Variants in GLT6D1 observed in about 807,000 individuals in gnomAD.
GLT6D1 encodes the protein glycosyltransferase 6 domain containing 1, also known as putative glycosyltransferase 6 domain-containing protein 1.
A neutral mutation model predicts 12.3 loss-of-function variants in GLT6D1; 9 were observed. The observed-to-expected ratio is 0.73, with a 90% confidence interval of 0.44 to 1.27. GLT6D1 has a LOEUF of 1.27. Among genes scored for constraint, GLT6D1 ranks in the 50% most tolerant of loss-of-function variants. GLT6D1 has a pLI of 0.00. For missense variants in GLT6D1, 335 were observed against 346.2 expected, an observed-to-expected ratio of 0.97 and a Z score of 0.26; for synonymous variants, 128 against 132.3, an observed-to-expected ratio of 0.97 and a Z score of 0.23.
In GLT6D1 at chr9:135,639,205, A is replaced by G. The variant is rs1193960656; in HGVS notation, c.-6-12T>C. On this transcript the variant is annotated splice_polypyrimidine_tract_variant and intron_variant, in intron 1 of 4. Transcript: ENST00000371763. ...GAATTCATTCTCTCCTAGGGAAAGA[A>G]GGAGAAAAAATTAGATTTTAAGCAA... 9 of 1,432,184 alleles carry G rather than the reference A, an allele frequency of 6.3e-6. No individual in the cohort carries two copies. Among genetic ancestry groups the G allele is most frequent in the Admixed American group, 1.8e-5 (1 of 54,794 alleles). The allele number at this position is 1,432,184 out of a possible 1,614,324, so 88.7% of individuals were successfully genotyped here.
chr9:135,627,870 C>A (rs1301214007), intron 3 of GLT6D1, among the ~76,000 whole-genome samples: 1 of 152,096 alleles, frequency 6.6e-6, no homozygotes, highest in Non-Finnish European at 1.5e-5. Context: ...CTTTATACAT[C>A]TTTATACATC....
At chr9:135,639,215 A>G in intron 1 of GLT6D1, 22 bp from the exon 2 acceptor site, 2 of 1,338,378 alleles carry the variant, frequency 1.5e-6, no homozygotes, top group South Asian at 2.5e-5. Context: ...AGGAGAAAAA[A>G]TTAGATTTTA....
intron 2 of GLT6D1, among the ~76,000 whole-genome samples, chr9:135,636,431 AG>A (rs1833774065): frequency 6.6e-6 from 1 of 152,176 alleles, no homozygotes; most frequent in African/African-American, 2.4e-5. Flanking sequence ...GACCCCTTCC[AG>A]TGGGATTGTT....
intron 2 of GLT6D1, among the ~76,000 whole-genome samples, chr9:135,632,136 A>ATTTT (rs1833662921): frequency 5.3e-5 from 3 of 56,820 alleles, no homozygotes; most frequent in African/African-American, 2.3e-4. Context: ...CCCTGGGAGC[A>ATTTT]ATTTTTTTTT....
At chr9:135,624,791 G>A (rs1369186901) in intron 4 of GLT6D1, 121 bp from the exon 5 acceptor site, 24 of 601,976 alleles carry the variant, frequency 4.0e-5, no homozygotes, top group East Asian at 2.0e-4. Context: ...GTGCAGTGGC[G>A]TGATCTCGGC....
chr9:135,635,004 T>C (rs182845066), intron 2 of GLT6D1, among the ~76,000 whole-genome samples: 49 of 152,350 alleles, frequency 3.2e-4, no homozygotes, highest in Admixed American at 2.7e-3. Context: ...TCTGTGTCGT[T>C]GGTAGTGGAG....
chr9:135,633,162 G>C (rs774171910), intron 2 of GLT6D1, among the ~76,000 whole-genome samples: 1 of 152,282 alleles, frequency 6.6e-6, no homozygotes, highest in African/African-American at 2.4e-5. Flanking sequence ...GTACCCAGTT[G>C]ACCCCCTCCA....
At chr9:135,629,826 CATT>C (rs1833597636) in intron 3 of GLT6D1, among the ~76,000 whole-genome samples, 1 of 152,064 alleles carries the variant, frequency 6.6e-6, no homozygotes. Flanking sequence ...ATCCTTTTGT[CATT>C]ATAAAATGCC....
intron 2 of GLT6D1, among the ~76,000 whole-genome samples, chr9:135,634,739 A>G (rs1184694918): frequency 6.6e-6 from 1 of 150,590 alleles, no homozygotes; most frequent in African/African-American, 2.5e-5. Context: ...CCCACCCAGC[A>G]TGCCACACTC....
chr9:135,635,136 TG>T (rs1833744292), intron 2 of GLT6D1, among the ~76,000 whole-genome samples: 1 of 152,212 alleles, frequency 6.6e-6, no homozygotes, highest in Admixed American at 6.5e-5. Flanking sequence ...TCCTTCTTTT[TG>T]CTCCTCCAAT....
Position 135,639,168 on chromosome 9 carries a change from A to G in GLT6D1, c.20T>C (p.Leu7Pro), listed in dbSNP as rs748166391. The G allele has an allele frequency of 2.5e-6, 4 of 1,587,036 alleles. No individual in the cohort carries two copies. Among genetic ancestry groups the G allele is most frequent in the Non-Finnish European group, 3.5e-6 (4 of 1,156,438 alleles). MNSKRM[L>P]LLVLFAFSLM... ...TGAAAAAGCAAATAAAACCAATAAC[A>G]GCATTCTTTTAGAATTCATTCTCTC... The change falls in exon 2 of 5, where the codon CTG (leucine) becomes CCG (proline). Residue 7 changes from leucine to proline, a missense_variant. Coordinates refer to ENST00000371763, the MANE Select transcript of GLT6D1 (RefSeq NM_182974.3).
At chr9:135,632,400 C>T (rs1452996123) in intron 2 of GLT6D1, among the ~76,000 whole-genome samples, 4 of 152,148 alleles carry the variant, frequency 2.6e-5, no homozygotes, top group African/African-American at 4.8e-5. Context: ...CTGTCCGTCC[C>T]CCTTTCTGGC....
Position 135,624,049 on chromosome 9 carries a change from T to G in GLT6D1, c.*48A>C. ...GTGCGACCTTGACGTATTGGATCTG[T>G]GGAGGAGGAGAAAATGCAAGATCCC... On this transcript the variant is annotated 3_prime_UTR_variant, in exon 5 of 5. Coordinates refer to ENST00000371763, the MANE Select transcript of GLT6D1 (RefSeq NM_182974.3). 1 of 1,170,674 alleles carries G rather than the reference T, an allele frequency of 8.5e-7. No homozygotes were observed. Among genetic ancestry groups the G allele is most frequent in the Non-Finnish European group, 1.3e-6 (1 of 795,306 alleles). The allele number at this position is 1,170,674 out of a possible 1,614,324, so 72.5% of individuals were successfully genotyped here.
At chr9:135,634,455 T>TTC (rs1833722481) in intron 2 of GLT6D1, among the ~76,000 whole-genome samples, 1 of 143,900 alleles carries the variant, frequency 6.9e-6, no homozygotes, top group African/African-American at 2.5e-5. Context: ...TTTTTTTTTT[T>TTC]TTTTTTTTTG....
At chr9:135,627,484 T>C (rs181599658) in intron 3 of GLT6D1, among the ~76,000 whole-genome samples, 3 of 152,202 alleles carry the variant, frequency 2.0e-5, no homozygotes, top group African/African-American at 4.8e-5. Flanking sequence ...CTACTTTCTG[T>C]CTCTGTAGAT....
intron 3 of GLT6D1, among the ~76,000 whole-genome samples, chr9:135,627,205 A>G (rs895148994): frequency 6.7e-6 from 1 of 150,336 alleles, no homozygotes; most frequent in Admixed American, 6.7e-5. Flanking sequence ...TGCAGATTAC[A>G]TAATTGTCTA....
At chr9:135,632,793 C>A (rs1343149539) in intron 2 of GLT6D1, among the ~76,000 whole-genome samples, 3 of 151,846 alleles carry the variant, frequency 2.0e-5, no homozygotes. Flanking sequence ...TCAGCACCCC[C>A]AGTAGCTGGG....
intron 2 of GLT6D1, among the ~76,000 whole-genome samples, chr9:135,635,263 C>T (rs552054893): frequency 6.6e-6 from 1 of 152,322 alleles, no homozygotes; most frequent in East Asian, 1.9e-4. Flanking sequence ...GGGAGCTCTC[C>T]CAGTTAGCTC....
intron 4 of GLT6D1, 144 bp from the exon 5 acceptor site, chr9:135,624,814 C>G: frequency 2.1e-6 from 1 of 480,256 alleles, no homozygotes; most frequent in South Asian, 5.3e-5. Flanking sequence ...ACTGCAACCT[C>G]CACCTCCTGG....
Sources: gnomAD v4.1 joint callset for allele counts (sites outside exome capture counted in the v4.1 genomes callset) on GRCh38, gnomAD v4.1.1 for gene constraint, MANE v1.5 for transcripts, NCBI Gene and HGNC (gene_info 2026-07-23, HGNC 2026-07-21) for gene names.